HDGFL1: variants seen among roughly 807,000 people sequenced by gnomAD.
HDGFL1 encodes the protein hepatoma-derived growth factor-like protein 1.
For missense variants in HDGFL1, 422 were observed against 365.3 expected (o/e 1.16, Z -1.27); for synonymous variants, 190 against 165.1 (o/e 1.15, Z -1.16).
rs1220835194 is a variant in HDGFL1 at position 22,570,883 on chromosome 6, A to G, written c.*552A>G. On this transcript the variant is annotated 3_prime_UTR_variant, in exon 1 of 1. Transcript: ENST00000510882. Reference sequence around the variant, plus strand: ...GCGACATCTTCCTGAGCTCCTGTCCATGCCTGCCATACCTGCCAGCTTCAG... The same window carrying G: ...GCGACATCTTCCTGAGCTCCTGTCCGTGCCTGCCATACCTGCCAGCTTCAG... The G allele has an allele frequency of 1.2e-5, 2 of 167,408 alleles. No homozygotes were observed. The highest frequency in any genetic ancestry group is 4.8e-5 in the African/African-American group (2 of 41,434). 10.4% of individuals were successfully genotyped at this position (167,408 alleles called of 1,614,324 possible). A position where few individuals can be genotyped will look rare whatever the true frequency, so the allele number is the denominator to read the frequency against.
rs199817662 is a variant in HDGFL1 at position 22,569,812 on chromosome 6, G to A, written c.237G>A (p.Leu79=). The change falls in exon 1 of 1, where the codon CTG becomes CTA. Residue 79 remains leucine (L), a synonymous_variant. Transcript: ENST00000510882. ...PNKRRGFSAG[L]WEIENNPTVQ... is the part of the protein sequence containing the mutation. ...AGAGGCGCGGCTTCAGCGCGGGGCTGTGGGAAATCGAGAACAACCCCACGG... is the reference window on the plus strand; with the variant it reads ...AGAGGCGCGGCTTCAGCGCGGGGCTATGGGAAATCGAGAACAACCCCACGG... 2.3e-4 allele frequency: 371 copies of A among 1,613,428 alleles called. 3 individuals are homozygous for A. In the East Asian group the frequency reaches 8.2e-3, roughly 36 times the overall value.
In HDGFL1 at chr6:22,569,740, C is replaced by T. The variant is rs774678880; in HGVS notation, c.165C>T (p.Arg55=). The change falls in exon 1 of 1, where the codon CGC becomes CGT. Residue 55 remains arginine (R), a synonymous_variant. Coordinates refer to ENST00000510882, the MANE Select transcript of HDGFL1 (RefSeq NM_138574.4). ...AGACGGCCTTCCTGAGTCCCAAACGCCTGTTCCCGTACAAGGAGTGCAAGG... is the reference window on the plus strand; with the variant it reads ...AGACGGCCTTCCTGAGTCCCAAACGTCTGTTCCCGTACAAGGAGTGCAAGG... ...THETAFLSPK[R]LFPYKECKEK... 1.9e-6 allele frequency: 3 copies of T among 1,614,030 alleles called. No homozygotes were observed. The highest frequency in any genetic ancestry group is 2.5e-6 in the Non-Finnish European group (3 of 1,180,042).
chr6:22,570,708 C>A lies in HDGFL1; in HGVS notation c.*377C>A, dbSNP rs1212308672. On this transcript the variant is annotated 3_prime_UTR_variant, in exon 1 of 1. Transcript: ENST00000510882. Reference sequence around the variant, plus strand: ...GCAGGCTGTTTTCACCTCTAGACACCCCTCTCCACCCCTCCTGCTTCCCCA... The same window carrying A: ...GCAGGCTGTTTTCACCTCTAGACACACCTCTCCACCCCTCCTGCTTCCCCA... 8.7e-6 allele frequency: 2 copies of A among 230,754 alleles called. No homozygotes were observed. The highest frequency in any genetic ancestry group is 4.6e-5 in the African/African-American group (2 of 43,156). 14.3% of individuals were successfully genotyped at this position (230,754 alleles called of 1,614,324 possible).
At chr6:22,570,239 G>T in the HDGFL1 span, 1 of 1,561,418 alleles carries the variant, frequency 6.4e-7, no homozygotes. Flanking sequence ...GCCAGAGGAG[G>T]AGGAGCTCCG....
chr6:22,570,407 GT>G lies in HDGFL1; in HGVS notation c.*77del. On this transcript the variant is annotated 3_prime_UTR_variant, in exon 1 of 1. Coordinates refer to ENST00000510882, the MANE Select transcript of HDGFL1 (RefSeq NM_138574.4). ...CGTTCTTGGGGAATCTGACCACGGC[GT>G]GCAAACTGGGACTGCCTTTCCCTCT... The G allele has an allele frequency of 7.4e-7, 1 of 1,359,734 alleles. No individual in the cohort carries two copies. The highest frequency in any genetic ancestry group is 3.3e-5 in the Admixed American group (1 of 30,106). 84.2% of individuals were successfully genotyped at this position (1,359,734 alleles called of 1,614,324 possible). A position where few individuals can be genotyped will look rare whatever the true frequency, so the allele number is the denominator to read the frequency against.
In HDGFL1 at chr6:22,570,124, G is replaced by A. The variant is rs2113625961; in HGVS notation, c.549G>A (p.Ala183=). The stretch of plus-strand genomic sequence containing the variant: ...GGGCGGCGGAAGCGGAGAGGGCGGC[G>A]GCGGCGGCGGCGGCGACGGCCGTCG... The part of the protein sequence containing the change: ...AERAAEAERA[A]AAAAATAVDE... The change falls in exon 1 of 1, where the codon GCG becomes GCA. Residue 183 remains alanine, a synonymous_variant. Coordinates refer to ENST00000510882, the MANE Select transcript of HDGFL1 (RefSeq NM_138574.4). The A allele has an allele frequency of 9.8e-6, 15 of 1,532,610 alleles. No individual in the cohort carries two copies. Among genetic ancestry groups the A allele is most frequent in the Non-Finnish European group, 1.3e-5 (15 of 1,141,608 alleles). The allele number at this position is 1,532,610 out of a possible 1,614,324, so 94.9% of individuals were successfully genotyped here.
rs1166779817 is a variant in HDGFL1, at chr6:22,570,746, C to T, written c.*415C>T. 1 of 193,886 alleles carries T rather than the reference C, an allele frequency of 5.2e-6. No individual in the cohort carries two copies. The highest frequency in any genetic ancestry group is 1.2e-5 in the Non-Finnish European group (1 of 86,836). The allele number at this position is 193,886 out of a possible 1,614,324, so 12.0% of individuals were successfully genotyped here. A position where few individuals can be genotyped will look rare whatever the true frequency, so the allele number is the denominator to read the frequency against. On this transcript the variant is annotated 3_prime_UTR_variant, in exon 1 of 1. Coordinates refer to ENST00000510882, the MANE Select transcript of HDGFL1 (RefSeq NM_138574.4). ...TCCTGCTTCCCCAGGCATTATGAAC[C>T]TCTGCTTAGGAATATGGGTAGGAGT...
In HDGFL1 at chr6:22,570,039, A is replaced by T; in HGVS notation, c.464A>T (p.Asp155Val). The change falls in exon 1 of 1, where the codon GAC (aspartate) becomes GTC (valine). Residue 155 changes from aspartate to valine, a missense_variant. Asp to Val is a radical substitution (Grantham distance 152, BLOSUM62 -3). Transcript: ENST00000510882. Reference protein sequence around the residue: ...LKRSAGDPPEDAPKRPKEAAP... With the variant: ...LKRSAGDPPEVAPKRPKEAAP... The stretch of plus-strand genomic sequence containing the variant: ...AGGAGCGCGGGGGACCCGCCGGAGG[A>T]CGCCCCCAAACGACCCAAGGAGGCA... The T allele has an allele frequency of 6.5e-7, 1 of 1,546,090 alleles. No individual in the cohort carries two copies. Among genetic ancestry groups the T allele is most frequent in the East Asian group, 2.4e-5 (1 of 40,948 alleles).
In HDGFL1 at chr6:22,570,080, G is replaced by A; in HGVS notation, c.505G>A (p.Glu169Lys). The A allele has an allele frequency of 6.5e-7, 1 of 1,540,554 alleles. No individual in the cohort carries two copies. The highest frequency in any genetic ancestry group is 1.2e-5 in the South Asian group (1 of 83,310). ...CAAGGAGGCAGCCCCCGACCAAGAG[G>A]AGGAGGCGGAGGCGGAGAGGGCGGC... ...RPKEAAPDQE[E>K]EAEAERAAEA... is the part of the protein sequence containing the mutation. Residue 169 changes from glutamate to lysine, a missense_variant, in exon 1 of 1, where the codon GAG becomes AAG. Physicochemically the swap from Glu to Lys is moderately conservative, Grantham distance 56. Transcript: ENST00000510882.
In HDGFL1 at chr6:22,570,361, C is replaced by T. The variant is rs762507319; in HGVS notation, c.*30C>T. 9.8e-6 allele frequency: 14 copies of T among 1,430,044 alleles called. No individual in the cohort carries two copies. The highest frequency in any genetic ancestry group is 3.0e-5 in the African/African-American group (2 of 67,218). 88.6% of individuals were successfully genotyped at this position (1,430,044 alleles called of 1,614,324 possible). A position where few individuals can be genotyped will look rare whatever the true frequency, so the allele number is the denominator to read the frequency against. On this transcript the variant is annotated 3_prime_UTR_variant, in exon 1 of 1. Transcript: ENST00000510882. ...CAGCGTTTCCAGAAGAGCCCCTGCC[C>T]CGTTCCTGCTGCGGCCTGGCCGTTC...
At position 22,570,701 on chromosome 6, in the gene HDGFL1, T is replaced by G; in HGVS notation, c.*370T>G. On this transcript the variant is annotated 3_prime_UTR_variant, in exon 1 of 1. Coordinates refer to ENST00000510882, the MANE Select transcript of HDGFL1 (RefSeq NM_138574.4). ...GGTTCAGGCAGGCTGTTTTCACCTCTAGACACCCCTCTCCACCCCTCCTGC... is the reference window on the plus strand; with the variant it reads ...GGTTCAGGCAGGCTGTTTTCACCTCGAGACACCCCTCTCCACCCCTCCTGC... 9.1e-6 allele frequency: 2 copies of G among 220,288 alleles called. No individual in the cohort carries two copies. Among genetic ancestry groups the G allele is most frequent in the Admixed American group, 6.3e-5 (1 of 15,884 alleles). The allele number at this position is 220,288 out of a possible 1,614,324, so 13.6% of individuals were successfully genotyped here. A position where few individuals can be genotyped will look rare whatever the true frequency, so the allele number is the denominator to read the frequency against.
rs1006286894 is a variant in HDGFL1 at position 22,569,863 on chromosome 6, C to T, written c.288C>T (p.Ala96=). 1.7e-5 allele frequency: 27 copies of T among 1,597,480 alleles called. No homozygotes were observed. The African/African-American group carries it at 1.7e-4, about 10-fold the overall frequency. ...PTVQASDCPL[A]SEKGSGDGPW... ...TCCAGGCCTCCGACTGCCCATTAGC[C>T]TCAGAGAAGGGCAGCGGAGACGGGC... The change falls in exon 1 of 1, where the codon GCC becomes GCT. Residue 96 remains alanine (A), a synonymous_variant. Coordinates refer to ENST00000510882, the MANE Select transcript of HDGFL1 (RefSeq NM_138574.4).
Position 22,570,213 on chromosome 6 carries a change from T to C in HDGFL1, c.638T>C (p.Val213Ala), listed in dbSNP as rs745987871. 15 of 1,566,700 alleles carry C rather than the reference T, an allele frequency of 9.6e-6. 1 individual carries two copies. ...AGCGCCCCTAGCGAGCCGGGCCTGG[T>C]CTGCGAGCCGCCTCAGCCAGAGGAG... ...NGSAPSEPGL[V>A]CEPPQPEEEE... is the part of the protein sequence containing the mutation. The change falls in exon 1 of 1, where the codon GTC (valine) becomes GCC (alanine). Residue 213 changes from valine (V) to alanine (A), a missense_variant. Physicochemically the swap from Val to Ala is moderately conservative, Grantham distance 64. Transcript: ENST00000510882.
rs1418493306 is a variant in HDGFL1, at chr6:22,570,106, G to A, written c.531G>A (p.Ala177=). The A allele has an allele frequency of 6.5e-6, 10 of 1,536,708 alleles. No individual in the cohort carries two copies. The highest frequency in any genetic ancestry group is 1.2e-5 in the South Asian group (1 of 82,360). The change falls in exon 1 of 1, where the codon GCG becomes GCA. Residue 177 remains alanine, a synonymous_variant. Coordinates refer to ENST00000510882, the MANE Select transcript of HDGFL1 (RefSeq NM_138574.4). ...QEEEAEAERA[A]EAERAAAAAA... is the part of the protein sequence containing the mutation. ...AGGAGGCGGAGGCGGAGAGGGCGGC[G>A]GAAGCGGAGAGGGCGGCGGCGGCGG...
At chr6:22,570,064 AG>A in the HDGFL1 span, 2 of 1,543,584 alleles carry the variant, frequency 1.3e-6, no homozygotes, top group South Asian at 2.4e-5. Context: ...CCAAGGAGGC[AG>A]CCCCCGACCA....
At position 22,570,954 on chromosome 6, in the gene HDGFL1, C is replaced by A. The variant is rs1760914634; in HGVS notation, c.*623C>A. The A allele has an allele frequency of 6.0e-6, 1 of 167,080 alleles. No individual in the cohort carries two copies. The highest frequency in any genetic ancestry group is 2.4e-5 in the African/African-American group (1 of 41,446). The allele number at this position is 167,080 out of a possible 1,614,324, so 10.3% of individuals were successfully genotyped here. A position where few individuals can be genotyped will look rare whatever the true frequency, so the allele number is the denominator to read the frequency against. On this transcript the variant is annotated 3_prime_UTR_variant, in exon 1 of 1. Coordinates refer to ENST00000510882, the MANE Select transcript of HDGFL1 (RefSeq NM_138574.4). ...GCATGTGGGGAATGCCCCCCGCCTTCCACAAATCCTTTTGCTGACCCAGGA... is the reference window on the plus strand; with the variant it reads ...GCATGTGGGGAATGCCCCCCGCCTTACACAAATCCTTTTGCTGACCCAGGA...
At position 22,570,297 on chromosome 6, in the gene HDGFL1, A is replaced by G; in HGVS notation, c.722A>G (p.Glu241Gly). The G allele has an allele frequency of 1.3e-6, 2 of 1,501,812 alleles. No homozygotes were observed. The highest frequency in any genetic ancestry group is 2.4e-5 in the East Asian group (1 of 42,378). The allele number at this position is 1,501,812 out of a possible 1,614,324, so 93.0% of individuals were successfully genotyped here. The change falls in exon 1 of 1, where the codon GAG becomes GGG. Residue 241 changes from glutamate to glycine, a missense_variant. Glu to Gly is a moderately conservative substitution (Grantham distance 98). Coordinates refer to ENST00000510882, the MANE Select transcript of HDGFL1 (RefSeq NM_138574.4). The part of the protein sequence containing the change: ...DEEASQEWHA[E>G]APGGGDRDSL ...GAGGCCTCCCAGGAGTGGCATGCCG[A>G]GGCACCGGGCGGCGGAGATCGCGAC...
Position 22,570,349 on chromosome 6 carries a change from A to AGAGCCC in HDGFL1, c.*19_*24dup, listed in dbSNP as rs1344862124. The AGAGCCC allele has an allele frequency of 4.2e-6, 6 of 1,444,830 alleles. No homozygotes were observed. Among genetic ancestry groups the AGAGCCC allele is most frequent in the Non-Finnish European group, 5.5e-6 (6 of 1,098,980 alleles). 89.5% of individuals were successfully genotyped at this position (1,444,830 alleles called of 1,614,324 possible). On this transcript the variant is annotated 3_prime_UTR_variant, in exon 1 of 1. Coordinates refer to ENST00000510882, the MANE Select transcript of HDGFL1 (RefSeq NM_138574.4). ...GCCTGTAGTTACCAGCGTTTCCAGA[A>AGAGCCC]GAGCCCCTGCCCCGTTCCTGCTGCG...
In HDGFL1 at chr6:22,570,376, C is replaced by T. The variant is rs781030177; in HGVS notation, c.*45C>T. ...AGCCCCTGCCCCGTTCCTGCTGCGGCCTGGCCGTTCTTGGGGAATCTGACC... is the reference window on the plus strand; with the variant it reads ...AGCCCCTGCCCCGTTCCTGCTGCGGTCTGGCCGTTCTTGGGGAATCTGACC... On this transcript the variant is annotated 3_prime_UTR_variant, in exon 1 of 1. Transcript: ENST00000510882. 2.8e-6 allele frequency: 4 copies of T among 1,418,162 alleles called. No individual in the cohort carries two copies. Among genetic ancestry groups the T allele is most frequent in the Non-Finnish European group, 3.7e-6 (4 of 1,084,870 alleles). The allele number at this position is 1,418,162 out of a possible 1,614,324, so 87.8% of individuals were successfully genotyped here. A position where few individuals can be genotyped will look rare whatever the true frequency, so the allele number is the denominator to read the frequency against.
Sources: gnomAD v4.1 joint callset for allele counts on GRCh38, gnomAD v4.1.1 for gene constraint, MANE v1.5 for transcripts, NCBI Gene and HGNC (gene_info 2026-07-23, HGNC 2026-07-21) for gene names.